Variants in TRPM8 observed in about 807,000 individuals in gnomAD.
TRPM8 encodes TRPM8 cationic channel.
A neutral mutation model predicts 133.7 loss-of-function variants in TRPM8; 110 were observed. The ratio of observed to expected loss-of-function variants is 0.82; its 90% CI spans 0.70 to 0.96. The LOEUF (loss-of-function observed/expected upper bound fraction) is 0.96. TRPM8 is among the 40% of genes least tolerant of loss of function. The probability of loss-of-function intolerance (pLI) is 0.00; values close to 1 mark genes in which losing one functional copy is unlikely to be tolerated. For missense variants in TRPM8, 1,291 were observed against 1,379.5 expected (o/e 0.94, Z 1.02); for synonymous variants, 535 against 532.3 (o/e 1.01, Z -0.07).
rs866135270 is a variant in TRPM8, at chr2:233,976,105, T to C, written c.2356-4083T>C. The stretch of plus-strand genomic sequence containing the variant: ...CACACCCCTACTTTGTGCCAGGCAC[T>C]GTTCTAGACAGCAATGGACCAAACA... On this transcript the variant is annotated intron_variant, in intron 17 of 25. Transcript: ENST00000324695. Among the ~76,000 whole-genome samples the C allele has an allele frequency of 2.6e-5, 4 of 152,194 alleles. No individual in the cohort carries two copies. The South Asian group carries it at 8.3e-4, about 32-fold the overall frequency.
intron 22 of TRPM8, among the ~76,000 whole-genome samples, chr2:234,000,597 A>T (rs558782297): frequency 1.8e-4 from 27 of 152,354 alleles, no homozygotes; most frequent in Non-Finnish European, 3.7e-4. Context: ...AAGACAGAGT[A>T]ACAAGAGGAA....
Position 233,930,744 on chromosome 2 carries a change from A to G in TRPM8, c.191+3A>G. The G allele has an allele frequency of 6.2e-7, 1 of 1,601,134 alleles. No individual in the cohort carries two copies. Among genetic ancestry groups the G allele is most frequent in the Non-Finnish European group, 8.5e-7 (1 of 1,171,956 alleles). ...TTTACCAAAGATTCCAAGGCCACGT[A>G]AGCTACTATTTTCCCTCCAGTTTTG... On this transcript the variant is annotated splice_donor_region_variant and intron_variant, in intron 3 of 25. Coordinates refer to ENST00000324695, the MANE Select transcript of TRPM8 (RefSeq NM_024080.5).
intron 3 of TRPM8, among the ~76,000 whole-genome samples, chr2:233,931,076 A>G (rs532883443): frequency 2.0e-5 from 3 of 152,218 alleles, no homozygotes; most frequent in Non-Finnish European, 4.4e-5. Context: ...AATACCATGC[A>G]TGTGTACATA....
intron 15 of TRPM8, 81 bp downstream of exon 15, chr2:233,966,836 G>A: frequency 2.1e-6 from 3 of 1,418,528 alleles, no homozygotes; most frequent in Non-Finnish European, 2.8e-6. Flanking sequence ...TTAAACAATA[G>A]TAAAAACAAA....
chr2:233,925,542 A>G (rs150567652), intron 1 of TRPM8, among the ~76,000 whole-genome samples: 144 of 152,260 alleles, frequency 9.5e-4, no homozygotes, highest in Admixed American at 2.8e-3. Context: ...TAGGAAAGCC[A>G]GGTCCAGAGA....
chr2:234,010,405 C>T (rs1445147427), intron 24 of TRPM8, among the ~76,000 whole-genome samples: 1 of 152,156 alleles, frequency 6.6e-6, no homozygotes, highest in African/African-American at 2.4e-5. Context: ...AGGTAGTTTC[C>T]ATATTTTGGC....
At chr2:233,934,872 T>C (rs1377398267) in intron 3 of TRPM8, among the ~76,000 whole-genome samples, 1 of 152,266 alleles carries the variant, frequency 6.6e-6, no homozygotes, top group Non-Finnish European at 1.5e-5. Flanking sequence ...AGAAAAGTCA[T>C]AGAAATGCAT....
At chr2:233,924,672 A>C (rs1316512869) in intron 1 of TRPM8, among the ~76,000 whole-genome samples, 1 of 152,184 alleles carries the variant, frequency 6.6e-6, no homozygotes, top group African/African-American at 2.4e-5. Context: ...GCATCTCTTA[A>C]ATGGCTTCCC....
intron 15 of TRPM8, among the ~76,000 whole-genome samples, chr2:233,968,823 G>T (rs1441697307): frequency 6.6e-6 from 1 of 152,018 alleles, no homozygotes; most frequent in Non-Finnish European, 1.5e-5. Context: ...TTCCACCTTT[G>T]TGAAAGTCCC....
Position 233,985,723 on chromosome 2 carries a change from G to A in TRPM8, c.2797G>A (p.Gly933Arg). 2 of 1,614,174 alleles carry A rather than the reference G, an allele frequency of 1.2e-6. No homozygotes were observed. The highest frequency in any genetic ancestry group is 1.7e-6 in the Non-Finnish European group (2 of 1,180,026). Residue 933 changes from glycine (G) to arginine (R), a missense_variant, in exon 21 of 26, where the codon GGG becomes AGG. Gly to Arg is a moderately radical substitution (Grantham distance 125, BLOSUM62 -2). Coordinates refer to ENST00000324695, the MANE Select transcript of TRPM8 (RefSeq NM_024080.5). Reference protein sequence around the residue: ...TYDFAHCTFTGNESKPLCVEL... With the variant: ...TYDFAHCTFTRNESKPLCVEL... ...TGACTTTGCCCACTGCACCTTCACT[G>A]GGAATGAGTCCAAGCCACTGTGTGT...
At chr2:233,941,917 T>C (rs1690913589) in intron 5 of TRPM8, among the ~76,000 whole-genome samples, 1 of 152,010 alleles carries the variant, frequency 6.6e-6, no homozygotes. Flanking sequence ...GTGCCCGACT[T>C]ACCATGGTGG....
chr2:233,936,460 C>T (rs534489383), intron 3 of TRPM8, among the ~76,000 whole-genome samples: 1 of 152,308 alleles, frequency 6.6e-6, no homozygotes, highest in African/African-American at 2.4e-5. Flanking sequence ...ATTTACCGCA[C>T]AGTTTGTCCT....
At chr2:233,958,467 G>C (rs1048056546) in intron 11 of TRPM8, among the ~76,000 whole-genome samples, 2 of 152,096 alleles carry the variant, frequency 1.3e-5, no homozygotes, top group Non-Finnish European at 2.9e-5. Context: ...AAATCACCAG[G>C]CTCCACCTCA....
At chr2:233,991,772 A>G (rs987423775) in intron 21 of TRPM8, among the ~76,000 whole-genome samples, 1 of 152,178 alleles carries the variant, frequency 6.6e-6, no homozygotes, top group Non-Finnish European at 1.5e-5. Context: ...GCGTTCTAAC[A>G]TCTGTTGTAC....
chr2:233,985,186 A>G (rs918946397), intron 20 of TRPM8, among the ~76,000 whole-genome samples: 4 of 151,924 alleles, frequency 2.6e-5, no homozygotes, highest in African/African-American at 4.8e-5. Flanking sequence ...GCCTTTGCCC[A>G]TGCTGTTGCC....
At chr2:233,992,071 GT>G (rs1208171057) in intron 21 of TRPM8, among the ~76,000 whole-genome samples, 1 of 151,922 alleles carries the variant, frequency 6.6e-6, no homozygotes, top group Non-Finnish European at 1.5e-5. Context: ...TTGTTAATTT[GT>G]TTCCAGCCAC....
In TRPM8 at chr2:233,960,981, T is replaced by G. The variant is rs781662305; in HGVS notation, c.1568T>G (p.Phe523Cys). ...KNSYNDALLT[F>C]VWKLVANFRR... ...TCCTATAATGATGCCCTCCTCACGT[T>G]TGTCTGGAAACTGGTTGCGAACTTC... The change falls in exon 12 of 26, where the codon TTT (phenylalanine) becomes TGT (cysteine). Residue 523 changes from phenylalanine to cysteine, a missense_variant. Around this residue, in one of 2 missense-constraint regions of TRPM8, gnomAD observed 963 missense variants for 968.9 expected, o/e 0.99. Coordinates refer to ENST00000324695, the MANE Select transcript of TRPM8 (RefSeq NM_024080.5). The G allele has an allele frequency of 3.1e-6, 5 of 1,614,156 alleles. No individual in the cohort carries two copies. The South Asian group carries it at 5.5e-5, about 18-fold the overall frequency.
At chr2:233,997,634 C>G (rs916085729) in intron 22 of TRPM8, among the ~76,000 whole-genome samples, 1 of 152,132 alleles carries the variant, frequency 6.6e-6, no homozygotes, top group African/African-American at 2.4e-5. Flanking sequence ...CTGACCCCAA[C>G]TCCTAAGACT....
chr2:233,925,142 G>A (rs763081890), intron 1 of TRPM8, among the ~76,000 whole-genome samples: 8 of 152,182 alleles, frequency 5.3e-5, no homozygotes, highest in Non-Finnish European at 1.0e-4. Context: ...CTGCATTCGG[G>A]AGTTATAACA....
Sources: allele counts gnomAD v4.1 joint callset (sites outside exome capture counted in the v4.1 genomes callset), GRCh38; gene constraint gnomAD v4.1.1; regional missense constraint gnomAD v4.1.1; transcripts MANE v1.5; gene names NCBI Gene and HGNC (gene_info 2026-07-23, HGNC 2026-07-21).